The following NFATC1 variants were observed in gnomAD, a reference collection of about 807,000 sequenced individuals.
The protein encoded by NFATC1 is nuclear factor of activated T cells 1.
In NFATC1, 22 loss-of-function variants were observed where a neutral mutation model predicts 76.0. The observed-to-expected ratio is 0.29, with a 90% CI of 0.21 to 0.41. The LOEUF is 0.41. Among genes scored for constraint, NFATC1 ranks in the 10% least tolerant of loss-of-function variants. The pLI is 1.00. For missense variants in NFATC1, 1,357 were observed against 1,337.7 expected (o/e 1.01, Z -0.23); for synonymous variants, 704 against 613.1 (o/e 1.15, Z -2.19).
intron 8 of NFATC1, among the ~76,000 whole-genome samples, chr18:79,471,413 C>T (rs1174997060): frequency 6.6e-6 from 1 of 152,186 alleles, no homozygotes; most frequent in Non-Finnish European, 1.5e-5. Context: ...AGAAAGAAAA[C>T]CAAGTTACAA....
At chr18:79,474,506 T>C (rs1260351148) in intron 8 of NFATC1, among the ~76,000 whole-genome samples, 1 of 146,914 alleles carries the variant, frequency 6.8e-6, no homozygotes, top group Non-Finnish European at 1.5e-5. Context: ...ACTGTCGACG[T>C]TGCAAGGGAA....
Position 79,402,694 on chromosome 18 carries a change from G to A in NFATC1, c.127+6343G>A, listed in dbSNP as rs534668116. Among the ~76,000 whole-genome samples the A allele has an allele frequency of 1.2e-4, 18 of 152,302 alleles. No individual in the cohort carries two copies. The South Asian group carries it at 3.1e-3, about 26-fold the overall frequency. Reference sequence around the variant, plus strand: ...CGGTGTCAAGAAGTTGCTAGGAAGGGTTCTTTATGTATCTCATATGTTACG... The same window carrying A: ...CGGTGTCAAGAAGTTGCTAGGAAGGATTCTTTATGTATCTCATATGTTACG... On this transcript the variant is annotated intron_variant, in intron 1 of 9. Coordinates refer to ENST00000427363, the MANE Select transcript of NFATC1 (RefSeq NM_001278669.2).
At chr18:79,446,839 C>T (rs921588053) in intron 3 of NFATC1, among the ~76,000 whole-genome samples, 13 of 152,210 alleles carry the variant, frequency 8.5e-5, no homozygotes, top group East Asian at 1.9e-4. Flanking sequence ...GGGGCTGTGT[C>T]CTCATCCCTG....
intron 9 of NFATC1, among the ~76,000 whole-genome samples, chr18:79,509,748 C>T (rs2090200445): frequency 6.6e-6 from 1 of 152,268 alleles, no homozygotes; most frequent in South Asian, 2.1e-4. Flanking sequence ...TGACAACTGT[C>T]AGCTCACGGA....
intron 3 of NFATC1, among the ~76,000 whole-genome samples, chr18:79,439,686 C>G (rs767544971): frequency 6.6e-6 from 1 of 152,212 alleles, no homozygotes; most frequent in Non-Finnish European, 1.5e-5. Context: ...GTCTGTTTTC[C>G]CAGGAGCAAG....
intron 9 of NFATC1, among the ~76,000 whole-genome samples, chr18:79,521,762 CTG>C (rs1371135496): frequency 8.9e-5 from 4 of 44,848 alleles, no homozygotes; most frequent in Admixed American, 7.9e-4. Context: ...ATGTGTGTGT[CTG>C]TGTGTGTGTG....
chr18:79,415,382 A>G (rs2085842661), intron 2 of NFATC1, among the ~76,000 whole-genome samples: 1 of 152,114 alleles, frequency 6.6e-6, no homozygotes, highest in Non-Finnish European at 1.5e-5. Context: ...TCCTGGGTTC[A>G]CGCCATTCTC....
chr18:79,470,990 C>G (rs528267025), intron 8 of NFATC1: 1 of 152,186 alleles, frequency 6.6e-6, no homozygotes, highest in East Asian at 1.9e-4. Flanking sequence ...GCATAGCCCT[C>G]GGGGAGTCCT....
intron 2 of NFATC1, among the ~76,000 whole-genome samples, chr18:79,416,027 A>C (rs931907119): frequency 1.3e-5 from 2 of 152,208 alleles, no homozygotes; most frequent in East Asian, 1.9e-4. Flanking sequence ...GTGCCACTGC[A>C]CTCCAGCCTG....
At chr18:79,483,614 G>A (rs1427144341) in intron 8 of NFATC1, among the ~76,000 whole-genome samples, 1 of 140,542 alleles carries the variant, frequency 7.1e-6, no homozygotes, top group Non-Finnish European at 1.5e-5. Flanking sequence ...GCGTGACCTC[G>A]TTCCTGGGGC....
In NFATC1 at chr18:79,518,779, T is replaced by TG. The variant is rs751110187; in HGVS notation, c.2783-8747dup. Among the ~76,000 whole-genome samples the TG allele has an allele frequency of 4.2e-4, 64 of 152,200 alleles. 3 individuals carry two copies. The highest frequency in any genetic ancestry group is 5.9e-5 in the Non-Finnish European group (4 of 68,038). On this transcript the variant is annotated intron_variant, in intron 9 of 9. Transcript: ENST00000427363. ...CCAAGGAGAGCTGTGCCGGGTGCTC[T>TG]GGAGGGGTGTTAGGACCCCTGGCAC...
rs886967192 is a variant in NFATC1, at chr18:79,404,785, G to A, written c.128-5618G>A. On this transcript the variant is annotated intron_variant, in intron 1 of 9. Coordinates refer to ENST00000427363, the MANE Select transcript of NFATC1 (RefSeq NM_001278669.2). ...CCTGCCCTGCGCACAGCGAGTGAGG[G>A]AGTGGCTGTCTGGGAACTGCGTGTC... Among the ~76,000 whole-genome samples, 3 of 152,218 alleles carry A rather than the reference G, an allele frequency of 2.0e-5. No individual in the cohort carries two copies. In the East Asian group the frequency reaches 5.8e-4, roughly 29 times the overall value.
At position 79,527,536 on chromosome 18, in the gene NFATC1, A is replaced by G; in HGVS notation, c.2791A>G (p.Ile931Val). 1 of 1,613,920 alleles carries G rather than the reference A, an allele frequency of 6.2e-7. No individual in the cohort carries two copies. Among genetic ancestry groups the G allele is most frequent in the Non-Finnish European group, 8.5e-7 (1 of 1,179,858 alleles). The change falls in exon 10 of 10, where the codon ATA (isoleucine) becomes GTA (valine). Residue 931 changes from isoleucine to valine, a missense_variant. Physicochemically the swap from Ile to Val is conservative, Grantham distance 29. Transcript: ENST00000427363. ...DQLYLDDVNE[I>V]IRNDLSSTST... ...TTTTTCTTTTCTTACAGTAAATGAA[A>G]TAATACGAAATGACCTCTCCAGCAC...
At chr18:79,489,188 G>A (rs956219478) in intron 9 of NFATC1, among the ~76,000 whole-genome samples, 4 of 152,262 alleles carry the variant, frequency 2.6e-5, no homozygotes, top group African/African-American at 9.6e-5. Context: ...AGGGTGGGCT[G>A]TTGTGTCGCT....
rs376326891 is a variant in NFATC1 at position 79,527,624 on chromosome 18, C to G, written c.*47C>G. 7.8e-6 allele frequency: 12 copies of G among 1,548,004 alleles called. No homozygotes were observed. The highest frequency in any genetic ancestry group is 1.1e-5 in the Non-Finnish European group (12 of 1,121,976). On this transcript the variant is annotated 3_prime_UTR_variant, in exon 10 of 10. Coordinates refer to ENST00000427363, the MANE Select transcript of NFATC1 (RefSeq NM_001278669.2). ...TTCAGCAGGGGTATGCTGACTTCAGCAGACAAAGACTTTTGAATAAATAAA... is the reference window on the plus strand; with the variant it reads ...TTCAGCAGGGGTATGCTGACTTCAGGAGACAAAGACTTTTGAATAAATAAA...
At chr18:79,443,274 C>A (rs1383643152) in intron 3 of NFATC1, among the ~76,000 whole-genome samples, 2 of 152,224 alleles carry the variant, frequency 1.3e-5, no homozygotes, top group Middle Eastern at 3.2e-3. Context: ...GTGCACCGCG[C>A]GTATGGACAC....
At chr18:79,521,352 A>G in intron 9 of NFATC1, among the ~76,000 whole-genome samples, 1 of 85,268 alleles carries the variant, frequency 1.2e-5, no homozygotes, top group Non-Finnish European at 2.1e-5. Flanking sequence ...GGGGGGGAGC[A>G]TCCACTGATG....
intron 2 of NFATC1, among the ~76,000 whole-genome samples, chr18:79,432,589 G>A (rs908650043): frequency 1.4e-4 from 21 of 152,232 alleles, no homozygotes; most frequent in Admixed American, 1.0e-3. Context: ...GGCCGGGGCT[G>A]CAGCGGCCAC....
At chr18:79,421,065 G>A (rs184695117) in intron 2 of NFATC1, 3 of 152,464 alleles carry the variant, frequency 2.0e-5, no homozygotes, top group East Asian at 3.9e-4. Flanking sequence ...CTCAGGGCCA[G>A]AGGTTCTAGT....
Sources: gnomAD v4.1 joint callset for allele counts (sites outside exome capture counted in the v4.1 genomes callset) on GRCh38, gnomAD v4.1.1 for gene constraint, MANE v1.5 for transcripts, NCBI Gene and HGNC (gene_info 2026-07-23, HGNC 2026-07-21) for gene names.